CDH7: variants seen among roughly 807,000 people sequenced by gnomAD.
CDH7 encodes cadherin-7.
A neutral mutation model predicts 71.8 loss-of-function variants in CDH7; 25 were observed. That is an observed-to-expected ratio of 0.35 (90% CI 0.25 to 0.49). CDH7 has a LOEUF of 0.49. Among genes scored for constraint, CDH7 ranks in the 20% least tolerant of loss-of-function variants. The probability of loss-of-function intolerance (pLI) is 0.99; values close to 1 mark genes in which losing one functional copy is unlikely to be tolerated. For missense variants in CDH7, 862 were observed against 974.6 expected (o/e 0.88, Z 1.54); for synonymous variants, 381 against 363.8 (o/e 1.05, Z -0.54).
chr18:65,780,705 T>C (rs1410318359), intron 2 of CDH7, among the ~76,000 whole-genome samples: 12 of 151,442 alleles, frequency 7.9e-5, no homozygotes, highest in Non-Finnish European at 5.9e-5. Flanking sequence ...TTGGTTACTG[T>C]AGCCTTGTAG....
At chr18:65,860,903 C>T (rs546115471) in intron 10 of CDH7, among the ~76,000 whole-genome samples, 6 of 152,182 alleles carry the variant, frequency 3.9e-5, no homozygotes, top group South Asian at 2.1e-4. Context: ...ACTATTGTGT[C>T]CCTTTAGTAA....
At chr18:65,790,009 C>T (rs975224451) in intron 2 of CDH7, among the ~76,000 whole-genome samples, 4 of 151,546 alleles carry the variant, frequency 2.6e-5, no homozygotes, top group Non-Finnish European at 5.9e-5. Context: ...GCAGACGGAT[C>T]ACGAGGTCAG....
chr18:65,795,001 C>G (rs1910858951), intron 2 of CDH7, among the ~76,000 whole-genome samples: 1 of 152,056 alleles, frequency 6.6e-6, no homozygotes, highest in Admixed American at 6.5e-5. Context: ...AGCTATACAA[C>G]AATTTGTGAA....
rs780086485 is a variant in CDH7, at chr18:65,843,979, T to C, written c.1149T>C (p.Pro383=). 1 of 1,612,874 alleles carries C rather than the reference T, an allele frequency of 6.2e-7. No homozygotes were observed. The highest frequency in any genetic ancestry group is 1.1e-5 in the South Asian group (1 of 91,038). The change falls in exon 7 of 12, where the codon CCT becomes CCC. Residue 383 remains proline (P), a synonymous_variant. Coordinates refer to ENST00000397968, the MANE Select transcript of CDH7 (RefSeq NM_004361.5). ...EPPVFSSPLY[P]MEVSEATQVG... is the part of the protein sequence containing the mutation. ...CTGTGTTCTCTTCACCCTTGTACCCTATGGAGGTGTCGGAAGCTACCCAGG... is the reference window on the plus strand; with the variant it reads ...CTGTGTTCTCTTCACCCTTGTACCCCATGGAGGTGTCGGAAGCTACCCAGG...
chr18:65,803,190 T>C (rs184861047), intron 2 of CDH7: 115 of 152,218 alleles, frequency 7.6e-4, no homozygotes, highest in African/African-American at 2.6e-3. Flanking sequence ...AGAATGGAGA[T>C]TCAGTAGCCA....
At chr18:65,880,374 C>G (rs766587950) in intron 11 of CDH7, 27 bp from the exon 12 acceptor site, 3 of 1,515,920 alleles carry the variant, frequency 2.0e-6, no homozygotes, top group Non-Finnish European at 1.8e-6. Flanking sequence ...TTTACTGAAA[C>G]TTTCTCTTCC....
chr18:65,790,934 G>A (rs1362485697), intron 2 of CDH7, among the ~76,000 whole-genome samples: 1 of 152,158 alleles, frequency 6.6e-6, no homozygotes, highest in South Asian at 2.1e-4. Context: ...ACCCACTAAA[G>A]TATGAAATTC....
At chr18:65,837,858 C>A (rs1448840963) in intron 6 of CDH7, among the ~76,000 whole-genome samples, 1 of 151,828 alleles carries the variant, frequency 6.6e-6, no homozygotes, top group Non-Finnish European at 1.5e-5. Flanking sequence ...TGCTTTTAAA[C>A]CTCATCCAAG....
chr18:65,793,864 G>C (rs1910804847), intron 2 of CDH7, among the ~76,000 whole-genome samples: 1 of 152,108 alleles, frequency 6.6e-6, no homozygotes, highest in Non-Finnish European at 1.5e-5. Context: ...AAAAGTGTAA[G>C]ACTTTGATTT....
chr18:65,771,945 G>C (rs1002307016), intron 2 of CDH7, among the ~76,000 whole-genome samples: 1 of 152,124 alleles, frequency 6.6e-6, no homozygotes, highest in East Asian at 1.9e-4. Flanking sequence ...AGATGGGGCT[G>C]TGTTATAGGA....
intron 2 of CDH7, among the ~76,000 whole-genome samples, chr18:65,807,031 C>A (rs1320364011): frequency 1.3e-5 from 2 of 151,910 alleles, no homozygotes; most frequent in African/African-American, 2.4e-5. Context: ...AGTGATGGTA[C>A]CAGCTGGGAG....
intron 2 of CDH7, among the ~76,000 whole-genome samples, chr18:65,799,547 G>A (rs113890566): frequency 0.078 from 11,876 of 152,074 alleles, 723 homozygotes; most frequent in African/African-American, 0.16. Flanking sequence ...ATGGTGGCGG[G>A]TGCCTGTAGT....
intron 1 of CDH7, among the ~76,000 whole-genome samples, 168 bp downstream of exon 1, chr18:65,751,318 G>A (rs994364049): frequency 6.6e-6 from 1 of 152,258 alleles, no homozygotes; most frequent in African/African-American, 2.4e-5. Flanking sequence ...AGTGAGATGT[G>A]GCTCTGCAAG....
chr18:65,871,221 A>T (rs560821588), intron 11 of CDH7, among the ~76,000 whole-genome samples: 2 of 152,322 alleles, frequency 1.3e-5, no homozygotes, highest in South Asian at 4.1e-4. Flanking sequence ...AAATTCCACA[A>T]TGTATGACCT....
At chr18:65,790,484 A>G (rs1186847967) in intron 2 of CDH7, among the ~76,000 whole-genome samples, 1 of 152,044 alleles carries the variant, frequency 6.6e-6, no homozygotes, top group Admixed American at 6.6e-5. Context: ...TCTCCTCCTC[A>G]TTCTCTTTTT....
At chr18:65,819,646 G>A (rs1911846395) in intron 4 of CDH7, among the ~76,000 whole-genome samples, 1 of 152,274 alleles carries the variant, frequency 6.6e-6, no homozygotes, top group African/African-American at 2.4e-5. Context: ...TTGGGAGTTG[G>A]AAGTGCAGAT....
intron 6 of CDH7, among the ~76,000 whole-genome samples, chr18:65,833,142 A>C (rs1203215496): frequency 1.3e-5 from 2 of 152,192 alleles, no homozygotes; most frequent in Non-Finnish European, 2.9e-5. Flanking sequence ...CATTATGTGG[A>C]GGTGTTAATA....
At chr18:65,820,292 C>A (rs1484698) in intron 4 of CDH7, among the ~76,000 whole-genome samples, 7 of 150,280 alleles carry the variant, frequency 4.7e-5, no homozygotes, top group African/African-American at 1.5e-4. Context: ...TTTGCTAAGC[C>A]TAAGTGACTT....
chr18:65,756,930 G>C (rs1456146331), intron 1 of CDH7, among the ~76,000 whole-genome samples: 1 of 152,188 alleles, frequency 6.6e-6, no homozygotes, highest in African/African-American at 2.4e-5. Context: ...TTAGTGTGCA[G>C]TGGCTGAATA....
Sources: gnomAD v4.1 joint callset for allele counts (sites outside exome capture counted in the v4.1 genomes callset) on GRCh38, gnomAD v4.1.1 for gene constraint, MANE v1.5 for transcripts, NCBI Gene and HGNC (gene_info 2026-07-23, HGNC 2026-07-21) for gene names.